Variants in SLC2A13 observed in about 807,000 individuals in gnomAD.
The protein encoded by SLC2A13 is solute carrier family 2 member 13.
A neutral mutation model predicts 64.4 loss-of-function variants in SLC2A13; 32 were observed. The ratio of observed to expected loss-of-function variants is 0.50; its 90% CI spans 0.37 to 0.67. SLC2A13 has a LOEUF of 0.67. SLC2A13 is among the 30% of genes least tolerant of loss of function. SLC2A13 has a pLI of 0.00. For synonymous variants in SLC2A13, 338 were observed against 327.1 expected, an observed-to-expected ratio of 1.03 and a Z score of -0.36; for missense variants, 743 against 829.2, an observed-to-expected ratio of 0.90 and a Z score of 1.28.
intron 3 of SLC2A13, among the ~76,000 whole-genome samples, chr12:39,954,424 G>T (rs1198990896): frequency 6.6e-6 from 1 of 152,134 alleles, no homozygotes; most frequent in Admixed American, 6.5e-5. Flanking sequence ...ATCAGTGTAG[G>T]TGTGTGAGGA....
chr12:39,915,360 A>G (rs1945505397), intron 4 of SLC2A13, among the ~76,000 whole-genome samples: 1 of 152,018 alleles, frequency 6.6e-6, no homozygotes, highest in Non-Finnish European at 1.5e-5. Flanking sequence ...AGTGGCAGGA[A>G]AAGATTAAAC....
chr12:39,837,315 C>T (rs1442571616), intron 6 of SLC2A13, among the ~76,000 whole-genome samples: 1 of 146,820 alleles, frequency 6.8e-6, no homozygotes, highest in East Asian at 2.0e-4. Context: ...GGATCCCTTC[C>T]TTACACCTTA....
Position 39,946,960 on chromosome 12 carries a change from C to T in SLC2A13, c.1034+4297G>A, listed in dbSNP as rs1946146062. Among the ~76,000 whole-genome samples the T allele has an allele frequency of 5.3e-5, 8 of 152,178 alleles. 1 individual carries two copies. Among genetic ancestry groups the T allele is most frequent in the Admixed American group, 5.2e-4 (8 of 15,286 alleles). Reference sequence around the variant, plus strand: ...CTTTTACCCCCTGCTCCTCTGGCCACTCTCCTGATGGATCACTGTGGTGCC... The same window carrying T: ...CTTTTACCCCCTGCTCCTCTGGCCATTCTCCTGATGGATCACTGTGGTGCC... On this transcript the variant is annotated intron_variant, in intron 4 of 9. Coordinates refer to ENST00000280871, the MANE Select transcript of SLC2A13 (RefSeq NM_052885.4).
At chr12:39,869,491 G>C (rs183078810) in intron 5 of SLC2A13, among the ~76,000 whole-genome samples, 13 of 152,294 alleles carry the variant, frequency 8.5e-5, no homozygotes, top group Admixed American at 8.5e-4. Flanking sequence ...AAATCAAATA[G>C]ACTGTGTCTC....
In SLC2A13 at chr12:39,800,186, A is replaced by G. The variant is rs1592149193; in HGVS notation, c.1445+29917T>C. Among the ~76,000 whole-genome samples the G allele has an allele frequency of 2.0e-5, 3 of 152,322 alleles. No individual in the cohort carries two copies. In the East Asian group the frequency reaches 5.8e-4, roughly 29 times the overall value. ...TTAAATCCTTGGCATTTTTGCAGAA[A>G]GGTAATTGGTGCTGACGTGCTTTGA... On this transcript the variant is annotated intron_variant, in intron 7 of 9. Transcript: ENST00000280871.
intron 5 of SLC2A13, among the ~76,000 whole-genome samples, chr12:39,865,522 G>A (rs1943885149): frequency 6.6e-6 from 1 of 152,134 alleles, no homozygotes; most frequent in Non-Finnish European, 1.5e-5. Flanking sequence ...TAGGAATGGT[G>A]ATTAAGTATA....
intron 4 of SLC2A13, among the ~76,000 whole-genome samples, chr12:39,906,063 C>G (rs528279075): frequency 6.6e-6 from 1 of 152,094 alleles, no homozygotes; most frequent in East Asian, 1.9e-4. Context: ...AACTTTATCA[C>G]GATAGACAAA....
At chr12:39,795,221 CT>C (rs1056780260) in intron 7 of SLC2A13, among the ~76,000 whole-genome samples, 3 of 151,780 alleles carry the variant, frequency 2.0e-5, no homozygotes, top group Admixed American at 1.3e-4. Context: ...TGTGTCACAT[CT>C]TTTTTTTAAT....
intron 6 of SLC2A13, among the ~76,000 whole-genome samples, chr12:39,848,479 T>C (rs1231251440): frequency 1.3e-5 from 2 of 152,022 alleles, no homozygotes; most frequent in Non-Finnish European, 2.9e-5. Context: ...TGAGAAACCA[T>C]CTCACACCAG....
intron 7 of SLC2A13, among the ~76,000 whole-genome samples, chr12:39,812,990 C>G (rs1032282738): frequency 1.3e-5 from 1 of 78,054 alleles, no homozygotes; most frequent in East Asian, 4.2e-4. Flanking sequence ...ACATCATGCC[C>G]AGCTAATTTT....
rs191418703 is a variant in SLC2A13, at chr12:39,885,606, G to A, written c.1035-13645C>T. Among the ~76,000 whole-genome samples the A allele has an allele frequency of 3.9e-5, 6 of 152,062 alleles. No homozygotes were observed. In the East Asian group the frequency reaches 5.8e-4, roughly 15 times the overall value. Reference sequence around the variant, plus strand: ...TATTAATGAATATTATATTACCACCGAAGCACCCAGAGAAAAATTATCTCT... The same window carrying A: ...TATTAATGAATATTATATTACCACCAAAGCACCCAGAGAAAAATTATCTCT... On this transcript the variant is annotated intron_variant, in intron 4 of 9. Transcript: ENST00000280871.
chr12:39,806,841 G>T (rs1175152289), intron 7 of SLC2A13, among the ~76,000 whole-genome samples: 1 of 152,072 alleles, frequency 6.6e-6, no homozygotes, highest in Non-Finnish European at 1.5e-5. Context: ...CTTTAAGAGG[G>T]TTAATTGTTA....
intron 6 of SLC2A13, among the ~76,000 whole-genome samples, chr12:39,845,117 C>T (rs1466349011): frequency 1.3e-5 from 2 of 151,794 alleles, no homozygotes; most frequent in Non-Finnish European, 2.9e-5. Context: ...ATTTGAATAT[C>T]TAGTATCTGC....
chr12:39,799,254 C>CTTTTTTTTTT (rs377069679), intron 7 of SLC2A13, among the ~76,000 whole-genome samples: 3 of 113,286 alleles, frequency 2.6e-5, no homozygotes, highest in Non-Finnish European at 3.5e-5. Context: ...TATGCTTAGC[C>CTTTTTTTTTT]TTTTTTTTTT....
At chr12:40,082,421 A>C (rs571786196) in intron 1 of SLC2A13, among the ~76,000 whole-genome samples, 2 of 152,264 alleles carry the variant, frequency 1.3e-5, no homozygotes, top group African/African-American at 4.8e-5. Context: ...ACTCCTACAG[A>C]AGCTCTCTGT....
At chr12:39,877,892 T>C (rs1944232445) in intron 4 of SLC2A13, among the ~76,000 whole-genome samples, 1 of 152,200 alleles carries the variant, frequency 6.6e-6, no homozygotes, top group Non-Finnish European at 1.5e-5. Flanking sequence ...AGGTAGGGCA[T>C]GGTGGGAGAC....
intron 4 of SLC2A13, among the ~76,000 whole-genome samples, chr12:39,883,798 T>C (rs1944402049): frequency 1.3e-5 from 2 of 152,190 alleles, no homozygotes. Flanking sequence ...TATTTATAAC[T>C]CTGAATCTCT....
At chr12:39,812,250 A>T (rs932267313) in intron 7 of SLC2A13, among the ~76,000 whole-genome samples, 3 of 152,088 alleles carry the variant, frequency 2.0e-5, no homozygotes, top group African/African-American at 7.2e-5. Context: ...AAAGGCACTT[A>T]TCCCATTTAT....
chr12:40,015,128 A>C (rs1218211146), intron 3 of SLC2A13, among the ~76,000 whole-genome samples: 1 of 152,162 alleles, frequency 6.6e-6, no homozygotes, highest in African/African-American at 2.4e-5. Context: ...CTGAGTACTT[A>C]AGACTATCAG....
Sources: allele counts gnomAD v4.1 joint callset (sites outside exome capture counted in the v4.1 genomes callset), GRCh38; gene constraint gnomAD v4.1.1; transcripts MANE v1.5; gene names NCBI Gene and HGNC (gene_info 2026-07-23, HGNC 2026-07-21).